Variants in CHSY3 observed in about 807,000 individuals in gnomAD.
CHSY3 encodes the protein chondroitin sulfate synthase 3.
Under a neutral mutation model 67.2 loss-of-function variants are expected in CHSY3, and 35 were observed. The observed-to-expected ratio is 0.52, with a 90% CI of 0.40 to 0.69. The LOEUF is 0.69. Among genes scored for constraint, CHSY3 ranks in the 30% least tolerant of loss-of-function variants. The pLI is 0.00. For missense variants in CHSY3, 1,069 were observed against 1,138.5 expected (o/e 0.94, Z 0.88); for synonymous variants, 474 against 434.7 (o/e 1.09, Z -1.12).
At chr5:130,101,482 A>T (rs182238982) in intron 2 of CHSY3, among the ~76,000 whole-genome samples, 2 of 152,206 alleles carry the variant, frequency 1.3e-5, no homozygotes, top group South Asian at 4.1e-4. Flanking sequence ...GACAAAAATT[A>T]TATATATTTA....
At chr5:130,067,196 C>T (rs1223547966) in intron 2 of CHSY3, among the ~76,000 whole-genome samples, 2 of 152,066 alleles carry the variant, frequency 1.3e-5, no homozygotes, top group Non-Finnish European at 2.9e-5. Flanking sequence ...TTCCTGAAGC[C>T]CTCTCTAATT....
intron 2 of CHSY3, among the ~76,000 whole-genome samples, chr5:129,991,938 C>T (rs1432814687): frequency 2.0e-5 from 3 of 152,164 alleles, no homozygotes; most frequent in African/African-American, 7.2e-5. Context: ...TATGCCCTTT[C>T]TCTGTTTATA....
chr5:130,160,434 C>T (rs1037814027), intron 2 of CHSY3, among the ~76,000 whole-genome samples: 2 of 152,186 alleles, frequency 1.3e-5, no homozygotes, highest in African/African-American at 4.8e-5. Context: ...CTTTGGACCT[C>T]ATTTCTTTCT....
At chr5:130,128,755 G>A (rs1024875886) in intron 2 of CHSY3, among the ~76,000 whole-genome samples, 4 of 152,064 alleles carry the variant, frequency 2.6e-5, no homozygotes, top group Non-Finnish European at 5.9e-5. Flanking sequence ...TGATGGTGGG[G>A]ATGGTTTAAC....
intron 2 of CHSY3, among the ~76,000 whole-genome samples, chr5:130,083,364 C>T (rs1766504929): frequency 6.6e-6 from 1 of 151,974 alleles, no homozygotes; most frequent in African/African-American, 2.4e-5. Flanking sequence ...ACTGGATCCT[C>T]TTCTGTTACT....
chr5:129,997,684 T>A (rs1405471991), intron 2 of CHSY3, among the ~76,000 whole-genome samples: 1 of 151,596 alleles, frequency 6.6e-6, no homozygotes, highest in African/African-American at 2.4e-5. Context: ...CAGGCCCCAG[T>A]GTGTGATGTT....
Position 129,904,974 on chromosome 5 carries a change from G to C in CHSY3, c.145G>C (p.Gly49Arg), listed in dbSNP as rs201859489. Residue 49 changes from glycine to arginine, a missense_variant, in exon 1 of 3, where the codon GGT (glycine) becomes CGT (arginine). Physicochemically the swap from Gly to Arg is moderately radical, Grantham distance 125. Transcript: ENST00000305031. ...TGGCTCCAGCCTCTGCTCCTACTAC[G>C]GTCGCTCTGCTGCTGGCCCCCGCGC... Reference protein sequence around the residue: ...RRGSSLCSYYGRSAAGPRAGA... With the variant: ...RRGSSLCSYYRRSAAGPRAGA... 1.1e-3 allele frequency: 1,683 copies of C among 1,567,270 alleles called. No individual in the cohort carries two copies. The highest frequency in any genetic ancestry group is 1.4e-3 in the Non-Finnish European group (1,599 of 1,162,244).
intron 2 of CHSY3, among the ~76,000 whole-genome samples, chr5:130,118,739 C>T (rs2149707753): frequency 6.6e-6 from 1 of 151,992 alleles, no homozygotes; most frequent in African/African-American, 2.4e-5. Flanking sequence ...AATTTTCTTC[C>T]TTAGATTACC....
intron 2 of CHSY3, among the ~76,000 whole-genome samples, chr5:129,950,040 T>A (rs1337238185): frequency 6.6e-6 from 1 of 151,848 alleles, no homozygotes; most frequent in Admixed American, 6.6e-5. Flanking sequence ...GGCAGGCGCC[T>A]GTAGTCTCAG....
chr5:130,042,999 A>G (rs1177049316), intron 2 of CHSY3, among the ~76,000 whole-genome samples: 1 of 152,140 alleles, frequency 6.6e-6, no homozygotes, highest in Admixed American at 6.6e-5. Context: ...GGCCTCAGAT[A>G]GTTATCCTAA....
At chr5:130,174,262 A>T (rs1308880101) in intron 2 of CHSY3, among the ~76,000 whole-genome samples, 1 of 152,006 alleles carries the variant, frequency 6.6e-6, no homozygotes, top group African/African-American at 2.4e-5. Context: ...GAAGAGATAC[A>T]AACAGATTTT....
At chr5:130,081,470 A>G (rs1766444960) in intron 2 of CHSY3, among the ~76,000 whole-genome samples, 2 of 151,956 alleles carry the variant, frequency 1.3e-5, no homozygotes, top group Admixed American at 6.6e-5. Flanking sequence ...ACATAGTGTG[A>G]TGATTAAATT....
At chr5:130,179,114 T>C (rs1770169443) in intron 2 of CHSY3, among the ~76,000 whole-genome samples, 1 of 152,234 alleles carries the variant, frequency 6.6e-6, no homozygotes, top group African/African-American at 2.4e-5. Flanking sequence ...TTGAGTTCAA[T>C]AAATAGTAAA....
intron 2 of CHSY3, among the ~76,000 whole-genome samples, chr5:130,156,951 A>C (rs1434882618): frequency 6.6e-6 from 1 of 152,208 alleles, no homozygotes; most frequent in Non-Finnish European, 1.5e-5. Flanking sequence ...GTCATTCCTA[A>C]TTTGTAGATT....
chr5:130,059,623 A>T (rs1157379139), intron 2 of CHSY3, among the ~76,000 whole-genome samples: 2 of 152,222 alleles, frequency 1.3e-5, no homozygotes, highest in East Asian at 3.9e-4. Context: ...TTTATCCATA[A>T]AATAAGAGTC....
At chr5:130,053,274 T>C (rs1330852669) in intron 2 of CHSY3, among the ~76,000 whole-genome samples, 2 of 152,048 alleles carry the variant, frequency 1.3e-5, no homozygotes, top group Non-Finnish European at 1.5e-5. Context: ...ACAGAAAATA[T>C]AGACAATGAG....
chr5:130,077,917 C>CT (rs562752610), intron 2 of CHSY3, among the ~76,000 whole-genome samples: 125 of 151,706 alleles, frequency 8.2e-4, no homozygotes, highest in Non-Finnish European at 1.6e-3. Flanking sequence ...CCTAGGAAAA[C>CT]TATTTCTAAA....
rs530200679 is a variant in CHSY3 at position 129,936,918 on chromosome 5, C to G, written c.1086+28558C>G. Among the ~76,000 whole-genome samples the G allele has an allele frequency of 1.5e-4, 23 of 152,224 alleles. No individual in the cohort carries two copies. The South Asian group carries it at 2.3e-3, about 15-fold the overall frequency. ...TGTTATTCCCTTGATCTGGAATGCTCTCCTGCTCCATTTATATAGACTTTC... is the reference window on the plus strand; with the variant it reads ...TGTTATTCCCTTGATCTGGAATGCTGTCCTGCTCCATTTATATAGACTTTC... On this transcript the variant is annotated intron_variant, in intron 2 of 2. Transcript: ENST00000305031.
In CHSY3 at chr5:130,154,915, T is replaced by C. The variant is rs148519732; in HGVS notation, c.1087-29314T>C. 9.3e-3 allele frequency among the ~76,000 whole-genome samples: 1,414 copies of C among 152,286 alleles called. 27 individuals are homozygous for C. Among genetic ancestry groups the C allele is most frequent in the African/African-American group, 0.033 (1,352 of 41,556 alleles). ...AACTTGCATCCAGATCACCTGGGGA[T>C]TTTGTTAAACTACAGCTTCTGATTC... On this transcript the variant is annotated intron_variant, in intron 2 of 2. Transcript: ENST00000305031.
Sources: allele counts gnomAD v4.1 joint callset (sites outside exome capture counted in the v4.1 genomes callset), GRCh38; gene constraint gnomAD v4.1.1; transcripts MANE v1.5; gene names NCBI Gene and HGNC (gene_info 2026-07-23, HGNC 2026-07-21).